HMCN2: variants seen among roughly 807,000 people sequenced by gnomAD.
HMCN2 encodes hemicentin 2, also known as hemicentin-2.
Under a neutral mutation model 377.5 loss-of-function variants are expected in HMCN2, and 325 were observed. The observed-to-expected ratio is 0.86, with a 90% CI of 0.79 to 0.94. HMCN2 has a LOEUF of 0.94. Ranked by LOEUF, HMCN2 falls within the 40% of genes least tolerant of loss-of-function variation. HMCN2 has a pLI of 0.00. For missense variants in HMCN2, 4,543 were observed against 4,725.3 expected (o/e 0.96, Z 1.13); for synonymous variants, 2,007 against 2,046.8 (o/e 0.98, Z 0.53).
At chr9:130,411,378 G>A (rs1390679506) in intron 85 of HMCN2, among the ~76,000 whole-genome samples, 2 of 152,082 alleles carry the variant, frequency 1.3e-5, no homozygotes, top group Non-Finnish European at 2.9e-5. Context: ...AAGGCGGGTG[G>A]ATCACCTGGG....
chr9:130,304,600 C>G lies in HMCN2; in HGVS notation c.1544-130C>G, dbSNP rs1159216992. Reference sequence around the variant, plus strand: ...CTGGTCACCCTATGCTGCTAGCTGACATGTCCTGAATGATCTGGTTCGGGT... The same window carrying G: ...CTGGTCACCCTATGCTGCTAGCTGAGATGTCCTGAATGATCTGGTTCGGGT... On this transcript the variant is annotated intron_variant, in intron 10 of 97. Transcript: ENST00000683500. This position sits in a 1 kb window ranked among gnomAD's most constrained non-coding sequence, Gnocchi z 4.3. 2 of 359,600 alleles carry G rather than the reference C, an allele frequency of 5.6e-6. No individual in the cohort carries two copies. Among genetic ancestry groups the G allele is most frequent in the South Asian group, 2.0e-5 (1 of 49,820 alleles). The allele number at this position is 359,600 out of a possible 1,614,324, so 22.3% of individuals were successfully genotyped here.
Position 130,299,209 on chromosome 9 carries a change from C to T in HMCN2, c.1197C>T (p.Tyr399=). 2.1e-6 allele frequency: 1 copy of T among 471,146 alleles called. No homozygotes were observed. The highest frequency in any genetic ancestry group is 4.4e-6 in the Non-Finnish European group (1 of 227,024). 29.2% of individuals were successfully genotyped at this position (471,146 alleles called of 1,614,324 possible). A position where few individuals can be genotyped will look rare whatever the true frequency, so the allele number is the denominator to read the frequency against. The change falls in exon 8 of 98, where the codon TAC becomes TAT. Residue 399 remains tyrosine, a synonymous_variant. Transcript: ENST00000683500. ...TCCACACCCCCAAGGAGCGCTTCTA[C>T]CTCAAGGTGAAGGGCAAGGACCATG... is the stretch of plus-strand genomic sequence containing the variant. The part of the protein sequence containing the change: ...PPFHTPKERF[Y]LKVKGKDHEG...
intron 25 of HMCN2, among the ~76,000 whole-genome samples, chr9:130,343,194 G>A (rs957908164): frequency 3.3e-5 from 5 of 152,118 alleles, no homozygotes; most frequent in Non-Finnish European, 5.9e-5. Context: ...CTCAGCCCCC[G>A]CCACTGCCTC....
chr9:130,364,338 T>C (rs1483393632), intron 40 of HMCN2, among the ~76,000 whole-genome samples: 1 of 152,248 alleles, frequency 6.6e-6, no homozygotes, highest in Non-Finnish European at 1.5e-5. Flanking sequence ...GCTGCACTGG[T>C]TATTTTTGCT....
chr9:130,403,391 G>GC lies in HMCN2; in HGVS notation c.12013+63_12013+64insC, dbSNP rs944246201. 1.0e-5 allele frequency: 13 copies of GC among 1,276,774 alleles called. 1 individual carries two copies. In the African/African-American group the frequency reaches 1.8e-4, roughly 18 times the overall value. 79.1% of individuals were successfully genotyped at this position (1,276,774 alleles called of 1,614,324 possible). ...AAGAGCGTGGGTCTGGGCAGGGGGG[G>GC]AGTCCTGCTTCCTGCCCTGGGAGAC... On this transcript the variant is annotated intron_variant, in intron 79 of 97. Coordinates refer to ENST00000683500, the MANE Select transcript of HMCN2 (RefSeq NM_001291815.2).
chr9:130,345,019 GT>G (rs1839285125), intron 25 of HMCN2, among the ~76,000 whole-genome samples: 1 of 151,054 alleles, frequency 6.6e-6, no homozygotes, highest in African/African-American at 2.4e-5. Flanking sequence ...TAGTTTTGGT[GT>G]GTGTGTGGTG....
chr9:130,381,426 A>G (rs1841715013), intron 54 of HMCN2, among the ~76,000 whole-genome samples: 1 of 151,708 alleles, frequency 6.6e-6, no homozygotes, highest in Admixed American at 6.6e-5. Flanking sequence ...GCTACAGTGC[A>G]GTGGCAGTCT....
chr9:130,365,114 A>AC (rs931332893), intron 41 of HMCN2, among the ~76,000 whole-genome samples: 6 of 151,534 alleles, frequency 4.0e-5, no homozygotes, highest in Non-Finnish European at 5.9e-5. Context: ...TCCTCCTCCC[A>AC]CCCCCCTACA....
chr9:130,391,363 G>A lies in HMCN2; in HGVS notation c.9827G>A (p.Arg3276Gln), dbSNP rs1426819356. The change falls in exon 64 of 98, where the codon CGG (arginine) becomes CAG (glutamine). Residue 3276 changes from arginine to glutamine, a missense_variant and splice_region_variant. By Grantham distance (43) the Arg-to-Gln change is conservative. Around this residue, in one of 5 missense-constraint regions of HMCN2, gnomAD observed 1,073 missense variants for 1,319.5 expected, o/e 0.81. Transcript: ENST00000683500. ...GGCCAGGACATGGGCCCCCACCTCCGGTAAGACTTGGCCCATGCCCTCCCC... is the reference window on the plus strand; with the variant it reads ...GGCCAGGACATGGGCCCCCACCTCCAGTAAGACTTGGCCCATGCCCTCCCC... ...PLGQDMGPHLRFYLDGGSLVL... is the reference protein window; with the variant it reads ...PLGQDMGPHLQFYLDGGSLVL... The A allele has an allele frequency of 3.0e-6, 3 of 987,546 alleles. No homozygotes were observed. The highest frequency in any genetic ancestry group is 3.6e-6 in the Non-Finnish European group (3 of 830,128). The allele number at this position is 987,546 out of a possible 1,614,324, so 61.2% of individuals were successfully genotyped here.
Position 130,390,955 on chromosome 9 carries a change from AGG to A in HMCN2, c.9524-19_9524-18del. The A allele has an allele frequency of 1.0e-6, 1 of 986,182 alleles. No homozygotes were observed. Among genetic ancestry groups the A allele is most frequent in the Non-Finnish European group, 1.2e-6 (1 of 830,018 alleles). The allele number at this position is 986,182 out of a possible 1,614,324, so 61.1% of individuals were successfully genotyped here. A position where few individuals can be genotyped will look rare whatever the true frequency, so the allele number is the denominator to read the frequency against. The stretch of plus-strand genomic sequence containing the variant: ...AGCACAAGAAGGGGCTGGGGGATTC[AGG>A]GGACCCCTCTGTCCCACAGAGAGCA... On this transcript the variant is annotated intron_variant, in intron 62 of 97. Coordinates refer to ENST00000683500, the MANE Select transcript of HMCN2 (RefSeq NM_001291815.2).
intron 77 of HMCN2, among the ~76,000 whole-genome samples, chr9:130,401,346 T>A (rs563270221): frequency 1.8e-4 from 27 of 152,174 alleles, no homozygotes; most frequent in Non-Finnish European, 2.8e-4. Flanking sequence ...TTTTTTAAGA[T>A]GGAGTCTCGC....
intron 34 of HMCN2, among the ~76,000 whole-genome samples, chr9:130,356,577 T>C (rs1404835270): frequency 6.6e-6 from 1 of 152,240 alleles, no homozygotes; most frequent in Non-Finnish European, 1.5e-5. Context: ...TTGCTGTTCC[T>C]TCTGCCCAGA....
chr9:130,408,256 G>A (rs555527452), intron 83 of HMCN2, among the ~76,000 whole-genome samples: 1 of 152,342 alleles, frequency 6.6e-6, no homozygotes, highest in African/African-American at 2.4e-5. Context: ...AAACCAGGAA[G>A]GATATAAGCC....
rs151316616 is a variant in HMCN2, at chr9:130,350,385, ATAC to A, written c.4430+723_4430+725del. Among the ~76,000 whole-genome samples the A allele has an allele frequency of 8.3e-3, 696 of 84,354 alleles. 7 individuals carry two copies. Among genetic ancestry groups the A allele is most frequent in the South Asian group, 0.011 (26 of 2,282 alleles). The allele number at this position is 84,354 out of a possible 152,430, so 55.3% of individuals were successfully genotyped here. On this transcript the variant is annotated intron_variant, in intron 29 of 97. Coordinates refer to ENST00000683500, the MANE Select transcript of HMCN2 (RefSeq NM_001291815.2). ...CTGTCTCTGCTAAAAATACAAAAAA[ATAC>A]AAAAAAAAAAAAAAAAGAAATAGCC...
intron 7 of HMCN2, among the ~76,000 whole-genome samples, chr9:130,297,919 C>T (rs541019399): frequency 1.3e-5 from 2 of 152,216 alleles, no homozygotes; most frequent in East Asian, 3.9e-4. Flanking sequence ...CCACATGCGA[C>T]CCTGTTGGGT....
In HMCN2 at chr9:130,427,499, AG is replaced by A; in HGVS notation, c.13948del (p.Asp4650ThrfsTer58). On this transcript the variant is annotated frameshift_variant, in exon 92 of 98. Coordinates refer to ENST00000683500, the MANE Select transcript of HMCN2 (RefSeq NM_001291815.2). LOFTEE classifies it high-confidence loss of function. The stretch of plus-strand genomic sequence containing the variant: ...CACCAGACCCCTTCCTGCCCCAGAC[AG>A]GGACGAGTGCTCAGGAGGCCCTAGC... ...LDSQGAFCVD[R>X]DECSGGPSPC... is the part of the protein sequence containing the mutation. The A allele has an allele frequency of 1.9e-6, 3 of 1,550,396 alleles. No individual in the cohort carries two copies. Among genetic ancestry groups the A allele is most frequent in the Non-Finnish European group, 2.6e-6 (3 of 1,146,918 alleles).
chr9:130,416,404 C>T (rs1843703296), intron 85 of HMCN2, among the ~76,000 whole-genome samples: 2 of 152,188 alleles, frequency 1.3e-5, no homozygotes, highest in African/African-American at 4.8e-5. Flanking sequence ...TGCGCCTGGC[C>T]TCGACCTTCA....
At chr9:130,429,793 C>T (rs1199095843) in intron 94 of HMCN2, 108 bp downstream of exon 94, 1 of 1,441,382 alleles carries the variant, frequency 6.9e-7, no homozygotes, top group Non-Finnish European at 9.1e-7. Flanking sequence ...CACCCTCTGG[C>T]CAGCACCTCA....
In HMCN2 at chr9:130,395,059, T is replaced by A. The variant is rs770074414; in HGVS notation, c.10725T>A (p.Ala3575=). 1.6e-5 allele frequency: 20 copies of A among 1,273,628 alleles called. No individual in the cohort carries two copies. The South Asian group carries it at 2.2e-4, about 14-fold the overall frequency. 78.9% of individuals were successfully genotyped at this position (1,273,628 alleles called of 1,614,324 possible). ...ATGCTGGGCTGTACACTTGTCTGGC[T>A]GAAAGCCCTGCAGGTGCAATTGAGA... ...VRDAGLYTCL[A]ESPAGAIEKS... is the part of the protein sequence containing the mutation. Residue 3575 remains alanine, a synonymous_variant, in exon 70 of 98, where the codon GCT becomes GCA. Transcript: ENST00000683500.
Sources: gnomAD v4.1 joint callset for allele counts (sites outside exome capture counted in the v4.1 genomes callset) on GRCh38, gnomAD v4.1.1 for gene constraint, gnomAD v4.1.1 regional missense constraint, Gnocchi (gnomAD v3.1) non-coding constraint, MANE v1.5 for transcripts, NCBI Gene and HGNC (gene_info 2026-07-23, HGNC 2026-07-21) for gene names.